PLSCR2: variants seen among roughly 807,000 people sequenced by gnomAD.
The protein encoded by PLSCR2 is PL scramblase 2.
Under a neutral mutation model 25.3 loss-of-function variants are expected in PLSCR2, and 18 were observed. That is an observed-to-expected ratio of 0.71 (90% confidence interval 0.49 to 1.06). PLSCR2 has a LOEUF of 1.06. Ranked by LOEUF, PLSCR2 falls within the 50% of genes least tolerant of loss-of-function variation. The pLI is 0.00. For missense variants in PLSCR2, 243 were observed against 269.5 expected, an observed-to-expected ratio of 0.90 and a Z score of 0.69; for synonymous variants, 88 against 87.3, an observed-to-expected ratio of 1.01 and a Z score of -0.04.
intron 1 of PLSCR2, among the ~76,000 whole-genome samples, chr3:146,493,836 G>A (rs1425136245): frequency 9.4e-6 from 1 of 106,182 alleles, no homozygotes; most frequent in East Asian, 3.3e-4. Context: ...AGAACATTGT[G>A]TCTCTAAAGT....
At chr3:146,481,656 A>G (rs1199974465) in intron 1 of PLSCR2, among the ~76,000 whole-genome samples, 1 of 152,234 alleles carries the variant, frequency 6.6e-6, no homozygotes, top group Non-Finnish European at 1.5e-5. Flanking sequence ...CATACTGCCC[A>G]AGGTAATTTA....
chr3:146,405,141 T>A (rs1394552421), intron 2 of PLSCR2, among the ~76,000 whole-genome samples: 1 of 151,952 alleles, frequency 6.6e-6, no homozygotes, highest in Non-Finnish European at 1.5e-5. Flanking sequence ...TTTTCTTTTA[T>A]ACTTTGGTTT....
rs1576544658 is a variant in PLSCR2 at position 146,392,500 on chromosome 3, T to C, written c.*146-938A>G. 5.3e-5 allele frequency among the ~76,000 whole-genome samples: 8 copies of C among 152,204 alleles called. 1 individual carries two copies. In the Middle Eastern group the frequency reaches 0.024, roughly 456 times the overall value. Reference sequence around the variant, plus strand: ...TGATAGTTATTTGAATTATTTTTCATAATATTTGTACATTTTCGTTAAGTA... The same window carrying C: ...TGATAGTTATTTGAATTATTTTTCACAATATTTGTACATTTTCGTTAAGTA... On this transcript the variant is annotated intron_variant and NMD_transcript_variant, in intron 3 of 3. Coordinates refer to the PLSCR2 transcript ENST00000463633.
At chr3:146,408,167 G>A (rs1407516327) in intron 2 of PLSCR2, among the ~76,000 whole-genome samples, 5 of 152,090 alleles carry the variant, frequency 3.3e-5, no homozygotes, top group Admixed American at 3.3e-4. Flanking sequence ...TGCTGCAGCC[G>A]CTACAGCTCG....
chr3:146,479,319 C>A (rs1015195412), intron 1 of PLSCR2, among the ~76,000 whole-genome samples: 2 of 152,144 alleles, frequency 1.3e-5, no homozygotes, highest in Non-Finnish European at 1.5e-5. Flanking sequence ...AGAGTCAAGA[C>A]CCATCAGTGT....
chr3:146,449,333 C>T, exon 6 of PLSCR2: 2 of 1,603,120 alleles, frequency 1.2e-6, no homozygotes, highest in Non-Finnish European at 1.7e-6. Flanking sequence ...CTTAGAAATC[C>T]TGCCAACCAC....
At chr3:146,408,559 C>T (rs184051038) in intron 2 of PLSCR2, among the ~76,000 whole-genome samples, 19 of 152,086 alleles carry the variant, frequency 1.2e-4, no homozygotes, top group African/African-American at 4.3e-4. Flanking sequence ...ACCTTTTGGG[C>T]TATTTCTAAA....
At chr3:146,451,929 T>C (rs1219851578) in intron 5 of PLSCR2, among the ~76,000 whole-genome samples, 2 of 152,208 alleles carry the variant, frequency 1.3e-5, no homozygotes, top group Non-Finnish European at 2.9e-5. Context: ...CATCTGGCTA[T>C]CCATCTGTAT....
chr3:146,490,486 G>A (rs575014027), intron 1 of PLSCR2, among the ~76,000 whole-genome samples: 5 of 152,200 alleles, frequency 3.3e-5, no homozygotes, highest in South Asian at 4.1e-4. Flanking sequence ...TCTAATTGTG[G>A]TTATCTAAGT....
At chr3:146,484,173 C>G (rs1211046705) in intron 1 of PLSCR2, among the ~76,000 whole-genome samples, 2 of 149,904 alleles carry the variant, frequency 1.3e-5, no homozygotes, top group Non-Finnish European at 3.0e-5. Flanking sequence ...ATCGATGAAG[C>G]AGAAAATAAA....
chr3:146,427,986 A>G (rs1430091015), intron 2 of PLSCR2, among the ~76,000 whole-genome samples: 2 of 152,166 alleles, frequency 1.3e-5, no homozygotes, highest in Non-Finnish European at 2.9e-5. Context: ...AATGCCACAA[A>G]TGCATTTATA....
intron 2 of PLSCR2, among the ~76,000 whole-genome samples, chr3:146,417,224 A>T (rs1576586545): frequency 6.6e-6 from 1 of 152,264 alleles, no homozygotes; most frequent in East Asian, 1.9e-4. Flanking sequence ...CCAGCTCAAA[A>T]TTTAAGAGGA....
At chr3:146,463,225 G>T (rs1387121620), upstream of PLSCR2, among the ~76,000 whole-genome samples, 1 of 151,982 alleles carries the variant, frequency 6.6e-6, no homozygotes, top group Non-Finnish European at 1.5e-5. Flanking sequence ...TCGCTCTGTC[G>T]GAGTGCAGTG....
At chr3:146,460,542 G>A (rs904518296), upstream of PLSCR2, among the ~76,000 whole-genome samples, 1 of 151,760 alleles carries the variant, frequency 6.6e-6, no homozygotes, top group African/African-American at 2.4e-5. Context: ...TATAACAAAT[G>A]ACATATCCTA....
At chr3:146,422,370 C>A (rs1409288525) in intron 2 of PLSCR2, among the ~76,000 whole-genome samples, 1 of 152,076 alleles carries the variant, frequency 6.6e-6, no homozygotes, top group East Asian at 1.9e-4. Flanking sequence ...TTATTTTTGT[C>A]TTTTCTTTAT....
chr3:146,465,476 T>A (rs1576695050), intron 1 of PLSCR2, among the ~76,000 whole-genome samples: 1 of 151,428 alleles, frequency 6.6e-6, no homozygotes, highest in Admixed American at 6.6e-5. Flanking sequence ...AAAATTACTA[T>A]GCCTTTAACA....
intron 1 of PLSCR2, among the ~76,000 whole-genome samples, chr3:146,482,834 A>G (rs2043177020): frequency 1.3e-5 from 2 of 152,234 alleles, no homozygotes; most frequent in South Asian, 4.1e-4. Context: ...CCAAATGTCC[A>G]TCAGTGATAG....
intron 1 of PLSCR2, among the ~76,000 whole-genome samples, chr3:146,477,869 T>G (rs2042976875): frequency 6.6e-6 from 1 of 152,174 alleles, no homozygotes; most frequent in South Asian, 2.1e-4. Context: ...GGTGCCCCTC[T>G]GGGATGAAGC....
intron 2 of PLSCR2, among the ~76,000 whole-genome samples, chr3:146,420,211 A>G (rs1475807606): frequency 6.6e-6 from 1 of 152,038 alleles, no homozygotes; most frequent in African/African-American, 2.4e-5. Flanking sequence ...GCTTTTATAG[A>G]GGAGTAGATT....
Sources: gnomAD v4.1 joint callset for allele counts (sites outside exome capture counted in the v4.1 genomes callset) on GRCh38, gnomAD v4.1.1 for gene constraint, MANE v1.5 for transcripts, NCBI Gene and HGNC (gene_info 2026-07-23, HGNC 2026-07-21) for gene names.